The following CSMD1 variants were observed in gnomAD, a reference collection of about 807,000 sequenced individuals.
CSMD1 encodes CUB and sushi domain-containing protein 1.
In CSMD1, 213 loss-of-function variants were observed where a neutral mutation model predicts 417.5. The ratio of observed to expected loss-of-function variants is 0.51; its 90% CI spans 0.46 to 0.57. CSMD1 has a LOEUF of 0.57. Among genes scored for constraint, CSMD1 ranks in the 20% least tolerant of loss-of-function variants. CSMD1 has a pLI of 0.00. For missense variants in CSMD1, 6,923 were observed against 4,529.7 expected, an observed-to-expected ratio of 1.53 and a Z score of -15.17; for synonymous variants, 2,862 against 1,736.8, an observed-to-expected ratio of 1.65 and a Z score of -16.11.
intron 6 of CSMD1, among the ~76,000 whole-genome samples, chr8:3,733,297 AATAT>A (rs1227391788): frequency 1.4e-5 from 2 of 147,472 alleles, no homozygotes; most frequent in Non-Finnish European, 3.0e-5. Flanking sequence ...TATACATATG[AATAT>A]ATATACACAT....
intron 2 of CSMD1, among the ~76,000 whole-genome samples, chr8:4,526,881 C>G (rs1034081168): frequency 2.0e-5 from 3 of 151,928 alleles, no homozygotes; most frequent in African/African-American, 7.3e-5. Context: ...AGCCATGATT[C>G]CAGAAGACTA....
At chr8:4,617,130 G>A (rs1801514515) in intron 2 of CSMD1, among the ~76,000 whole-genome samples, 1 of 151,866 alleles carries the variant, frequency 6.6e-6, no homozygotes. Context: ...AAATTCTTAT[G>A]CCAACTAAGA....
chr8:3,412,534 C>G (rs1236728135), intron 12 of CSMD1, among the ~76,000 whole-genome samples: 2 of 152,134 alleles, frequency 1.3e-5, no homozygotes, highest in Non-Finnish European at 2.9e-5. Context: ...CATTATCACA[C>G]TAGCATGAAG....
At chr8:3,061,732 T>C (rs1396919026) in intron 49 of CSMD1, among the ~76,000 whole-genome samples, 1 of 152,230 alleles carries the variant, frequency 6.6e-6, no homozygotes, top group African/African-American at 2.4e-5. Context: ...TTTATCAGTA[T>C]AATATCTGAC....
intron 25 of CSMD1, among the ~76,000 whole-genome samples, chr8:3,290,911 A>G (rs528265495): frequency 3.9e-5 from 6 of 152,286 alleles, no homozygotes; most frequent in Non-Finnish European, 7.3e-5. Context: ...GCCTGTTTTC[A>G]AAGGGAATGC....
intron 33 of CSMD1, among the ~76,000 whole-genome samples, chr8:3,195,664 A>C (rs369523268): frequency 6.6e-6 from 1 of 152,146 alleles, no homozygotes; most frequent in East Asian, 1.9e-4. Context: ...AGACCAGGGA[A>C]TTTAGGGAGA....
chr8:4,404,807 T>C (rs1198256920), intron 3 of CSMD1, among the ~76,000 whole-genome samples: 1 of 152,194 alleles, frequency 6.6e-6, no homozygotes, highest in Non-Finnish European at 1.5e-5. Flanking sequence ...ATATGTTCTA[T>C]GGGTACACAG....
intron 4 of CSMD1, among the ~76,000 whole-genome samples, chr8:4,018,709 T>C (rs58038475): frequency 0.015 from 2,294 of 152,290 alleles, 49 homozygotes; most frequent in African/African-American, 0.049. Flanking sequence ...TTTAGAAATA[T>C]TTATTTTTCT....
At chr8:3,950,049 C>T (rs1811502710) in intron 5 of CSMD1, 3 of 453,534 alleles carry the variant, frequency 6.6e-6, no homozygotes, top group Admixed American at 2.4e-5. Flanking sequence ...TGTCACGCTA[C>T]AGACAGGACT....
intron 2 of CSMD1, among the ~76,000 whole-genome samples, chr8:4,481,914 G>A (rs181719260): frequency 6.6e-6 from 1 of 152,070 alleles, no homozygotes; most frequent in African/African-American, 2.4e-5. Flanking sequence ...AGTGACTTGA[G>A]GTGTGGAAAC....
chr8:3,125,870 G>A (rs551124339), intron 41 of CSMD1, among the ~76,000 whole-genome samples: 5 of 152,226 alleles, frequency 3.3e-5, no homozygotes, highest in South Asian at 4.1e-4. Context: ...CCAGCTACTC[G>A]GGAGGCTGAG....
At chr8:3,301,446 C>T (rs1221573967) in intron 25 of CSMD1, among the ~76,000 whole-genome samples, 1 of 152,026 alleles carries the variant, frequency 6.6e-6, no homozygotes, top group Admixed American at 6.6e-5. Context: ...ATTATTAGTA[C>T]AGAAGGAAGG....
intron 5 of CSMD1, among the ~76,000 whole-genome samples, chr8:3,865,856 G>A (rs13274695): frequency 0.081 from 12,326 of 152,092 alleles, 575 homozygotes; most frequent in South Asian, 0.15. Context: ...CTGGAAACAC[G>A]TGTTATAGTA....
At chr8:3,877,624 T>C (rs1346550490) in intron 5 of CSMD1, among the ~76,000 whole-genome samples, 1 of 152,214 alleles carries the variant, frequency 6.6e-6, no homozygotes, top group Non-Finnish European at 1.5e-5. Flanking sequence ...TTCTGCCCAG[T>C]TCATCTACTC....
chr8:3,136,976 G>C (rs1017890660), intron 41 of CSMD1, among the ~76,000 whole-genome samples: 4 of 152,110 alleles, frequency 2.6e-5, no homozygotes, highest in East Asian at 3.9e-4. Flanking sequence ...TTAATTGAGA[G>C]ATAATAATTG....
intron 3 of CSMD1, among the ~76,000 whole-genome samples, chr8:4,160,902 G>A (rs1288030776): frequency 6.6e-6 from 1 of 152,150 alleles, no homozygotes; most frequent in Non-Finnish European, 1.5e-5. Flanking sequence ...GTTCTCTGCT[G>A]AACAAGTGGT....
intron 7 of CSMD1, among the ~76,000 whole-genome samples, chr8:3,631,397 C>A (rs1376727150): frequency 6.6e-6 from 1 of 152,138 alleles, no homozygotes; most frequent in African/African-American, 2.4e-5. Context: ...ACTGGAGTAG[C>A]AAAGAAGCCA....
At chr8:3,621,940 G>A (rs192816200) in intron 7 of CSMD1, among the ~76,000 whole-genome samples, 30 of 151,740 alleles carry the variant, frequency 2.0e-4, no homozygotes, top group Middle Eastern at 3.4e-3. Context: ...AAACCAGCAA[G>A]CCTGATGTTA....
chr8:3,844,220 T>G (rs1485869670), intron 5 of CSMD1, among the ~76,000 whole-genome samples: 1 of 152,206 alleles, frequency 6.6e-6, no homozygotes, highest in Non-Finnish European at 1.5e-5. Flanking sequence ...AGAATGAGTC[T>G]GGCTTGTGGC....
Sources: gnomAD v4.1 joint callset for allele counts (sites outside exome capture counted in the v4.1 genomes callset) on GRCh38, gnomAD v4.1.1 for gene constraint, MANE v1.5 for transcripts, NCBI Gene and HGNC (gene_info 2026-07-23, HGNC 2026-07-21) for gene names.